Variants in C3orf33 observed in about 807,000 individuals in gnomAD.
C3orf33 encodes the protein mitochondrial inner membrane subdomain organizer 1.
A neutral mutation model predicts 28.7 loss-of-function variants in C3orf33; 23 were observed. That is an observed-to-expected ratio of 0.80 (90% CI 0.58 to 1.13). C3orf33 has a LOEUF of 1.13. Ranked by LOEUF, C3orf33 falls within the 50% of genes most tolerant of loss-of-function variation. The probability of loss-of-function intolerance (pLI) is 0.00; values close to 1 mark genes in which losing one functional copy is unlikely to be tolerated. For missense variants in C3orf33, 327 were observed against 353.4 expected, an observed-to-expected ratio of 0.93 and a Z score of 0.60; for synonymous variants, 119 against 120.5, an observed-to-expected ratio of 0.99 and a Z score of 0.08.
At chr3:155,782,146 C>T (rs1404386761) in intron 2 of C3orf33, among the ~76,000 whole-genome samples, 3 of 140,778 alleles carry the variant, frequency 2.1e-5, no homozygotes, top group African/African-American at 5.4e-5. Context: ...CCAGCCTGGG[C>T]GACAAAGCAA....
At chr3:155,802,716 T>C (rs1051252545) in intron 1 of C3orf33, 125 bp from the exon 2 acceptor site, 1 of 662,690 alleles carries the variant, frequency 1.5e-6, no homozygotes, top group Non-Finnish European at 2.5e-6. Flanking sequence ...ACAATGTATG[T>C]CTTTCAAATA....
At chr3:155,799,783 G>C (rs1751586804) in intron 2 of C3orf33, among the ~76,000 whole-genome samples, 1 of 152,148 alleles carries the variant, frequency 6.6e-6, no homozygotes, top group Non-Finnish European at 1.5e-5. Flanking sequence ...TGGAATGGAG[G>C]TCATTATGTT....
At chr3:155,791,170 C>T (rs1321152473) in intron 2 of C3orf33, among the ~76,000 whole-genome samples, 1 of 152,148 alleles carries the variant, frequency 6.6e-6, no homozygotes, top group Non-Finnish European at 1.5e-5. Flanking sequence ...AGGACGAAGA[C>T]TCCCATTTCA....
chr3:155,778,776 G>A (rs1750829573), intron 2 of C3orf33, among the ~76,000 whole-genome samples: 1 of 152,120 alleles, frequency 6.6e-6, no homozygotes, highest in Admixed American at 6.5e-5. Context: ...AAAACACTAA[G>A]GGAATACCAA....
intron 3 of C3orf33, among the ~76,000 whole-genome samples, chr3:155,770,551 G>A (rs1750548653): frequency 6.6e-6 from 1 of 152,138 alleles, no homozygotes; most frequent in South Asian, 2.1e-4. Flanking sequence ...AAAGGTCATT[G>A]CATTCCTTTA....
intron 1 of C3orf33, chr3:155,805,624 A>G (rs1560003512): frequency 2.2e-6 from 1 of 454,516 alleles, no homozygotes. Context: ...CGGGAGGCTG[A>G]AGTGGGAGGA....
chr3:155,776,851 G>T (rs1188752771), intron 2 of C3orf33, among the ~76,000 whole-genome samples: 3 of 148,508 alleles, frequency 2.0e-5, no homozygotes, highest in African/African-American at 7.5e-5. Context: ...ACCAAGAATA[G>T]TGTAGGAGAC....
chr3:155,767,775 TA>T, intron 3 of C3orf33, 106 bp from the exon 4 acceptor site: 1 of 721,622 alleles, frequency 1.4e-6, no homozygotes, highest in Non-Finnish European at 2.1e-6. Context: ...TGTTTATTTA[TA>T]AATACCCAGT....
rs138350910 is a variant in C3orf33 at position 155,772,428 on chromosome 3, T to C, written c.322+3273A>G. On this transcript the variant is annotated intron_variant, in intron 3 of 4. Transcript: ENST00000340171. ...TGTGGCTAAATATTTTTGAGGTTTT[T>C]AGAGAGATAGGATATAATACAAAAA... is the stretch of plus-strand genomic sequence containing the variant. 4.2e-4 allele frequency among the ~76,000 whole-genome samples: 64 copies of C among 152,222 alleles called. No individual in the cohort carries two copies. The East Asian group carries it at 0.012, about 28-fold the overall frequency.
intron 3 of C3orf33, among the ~76,000 whole-genome samples, chr3:155,768,470 G>A (rs1750480784): frequency 6.6e-6 from 1 of 152,130 alleles, no homozygotes; most frequent in Non-Finnish European, 1.5e-5. Context: ...GATATTCTAA[G>A]TAGCATAATA....
intron 2 of C3orf33, among the ~76,000 whole-genome samples, chr3:155,777,467 G>A (rs879355154): frequency 1.3e-5 from 2 of 151,400 alleles, no homozygotes; most frequent in Non-Finnish European, 2.9e-5. Flanking sequence ...TTTAGACAGG[G>A]TCTCGCTCTG....
chr3:155,803,861 G>A (rs1358350693), intron 1 of C3orf33, among the ~76,000 whole-genome samples: 2 of 151,230 alleles, frequency 1.3e-5, no homozygotes, highest in South Asian at 2.1e-4. Flanking sequence ...CAGCCTGGGC[G>A]ACAGAGTGAG....
intron 2 of C3orf33, among the ~76,000 whole-genome samples, chr3:155,794,162 G>A (rs866694052): frequency 7.2e-5 from 11 of 151,868 alleles, no homozygotes; most frequent in Non-Finnish European, 1.3e-4. Context: ...TGTATTTTTA[G>A]TAGAAACAGA....
chr3:155,768,780 C>T (rs1750489322), intron 3 of C3orf33, among the ~76,000 whole-genome samples: 1 of 152,140 alleles, frequency 6.6e-6, no homozygotes, highest in South Asian at 2.1e-4. Flanking sequence ...AGGATATGGG[C>T]TTCTTAAAAC....
intron 2 of C3orf33, among the ~76,000 whole-genome samples, chr3:155,794,507 T>C (rs866637747): frequency 1.3e-5 from 2 of 149,750 alleles, no homozygotes; most frequent in South Asian, 4.2e-4. Context: ...AAAAAAAAAA[T>C]TTTTTAATGA....
At chr3:155,778,363 G>C (rs1234935302) in intron 2 of C3orf33, among the ~76,000 whole-genome samples, 1 of 152,128 alleles carries the variant, frequency 6.6e-6, no homozygotes, top group Non-Finnish European at 1.5e-5. Context: ...ATATTAATGT[G>C]GGTATGTAGG....
intron 2 of C3orf33, among the ~76,000 whole-genome samples, chr3:155,786,489 G>A (rs960968935): frequency 4.6e-5 from 7 of 151,966 alleles, no homozygotes; most frequent in South Asian, 4.1e-4. Context: ...ACCACTGTAC[G>A]CTAACAAATT....
intron 2 of C3orf33, among the ~76,000 whole-genome samples, chr3:155,793,699 A>G (rs1000459641): frequency 2.7e-5 from 4 of 150,486 alleles, no homozygotes; most frequent in African/African-American, 7.4e-5. Context: ...AGTCCCAGCT[A>G]CTCGGGAGGC....
intron 2 of C3orf33, among the ~76,000 whole-genome samples, chr3:155,786,355 C>A (rs770598144): frequency 3.3e-5 from 5 of 151,868 alleles, no homozygotes; most frequent in Admixed American, 6.6e-5. Context: ...ATAAAGCTGA[C>A]AAATCTTTAG....
Sources: allele counts gnomAD v4.1 joint callset (sites outside exome capture counted in the v4.1 genomes callset), GRCh38; gene constraint gnomAD v4.1.1; transcripts MANE v1.5; gene names NCBI Gene and HGNC (gene_info 2026-07-23, HGNC 2026-07-21).